RBM25: variants seen among roughly 807,000 people sequenced by gnomAD.
The protein encoded by RBM25 is RNA binding motif protein 25, also known as RNA-binding protein 25.
In RBM25, 19 loss-of-function variants were observed where a neutral mutation model predicts 120.7. The observed-to-expected ratio is 0.16, with a 90% confidence interval of 0.11 to 0.23. RBM25 has a LOEUF of 0.23. Among genes scored for constraint, RBM25 ranks in the 10% least tolerant of loss-of-function variants. The pLI, the probability that RBM25 is intolerant of heterozygous loss-of-function variation, is 1.00. For synonymous variants in RBM25, 390 were observed against 326.7 expected (o/e 1.19, Z -2.09); for missense variants, 605 against 1,041.5 (o/e 0.58, Z 5.77).
chr14:73,071,858 C>A, intron 2 of RBM25, 111 bp downstream of exon 2: 1 of 804,852 alleles, frequency 1.2e-6, no homozygotes, highest in Non-Finnish European at 2.0e-6. Context: ...TGCCTCTCAG[C>A]GTTGTTTGGG....
intron 7 of RBM25, among the ~76,000 whole-genome samples, chr14:73,097,917 T>G (rs1033385432): frequency 6.6e-6 from 1 of 152,226 alleles, no homozygotes; most frequent in Non-Finnish European, 1.5e-5. Context: ...AGTTTTCTCA[T>G]ACTTATTTCC....
chr14:73,103,639 G>A (rs762005047), intron 10 of RBM25, among the ~76,000 whole-genome samples, 161 bp downstream of exon 10: 1 of 152,022 alleles, frequency 6.6e-6, no homozygotes, highest in Non-Finnish European at 1.5e-5. Context: ...AGCAATCTCC[G>A]CCTCCTGGGT....
chr14:73,063,172 T>C (rs1481927191), intron 1 of RBM25, among the ~76,000 whole-genome samples: 1 of 146,036 alleles, frequency 6.8e-6, no homozygotes, highest in Admixed American at 6.8e-5. Flanking sequence ...TTTTTTGAGA[T>C]GGAGTCTGGC....
At chr14:73,075,454 C>T (rs1302363887) in intron 2 of RBM25, among the ~76,000 whole-genome samples, 4 of 152,094 alleles carry the variant, frequency 2.6e-5, no homozygotes, top group Non-Finnish European at 4.4e-5. Flanking sequence ...CCACTGCGCC[C>T]GGCCCATGAT....
rs1004149613 is a variant in RBM25, at chr14:73,110,852, C to T, written c.1714C>T (p.Arg572Cys). 1.3e-5 allele frequency: 21 copies of T among 1,610,542 alleles called. No homozygotes were observed. Among genetic ancestry groups the T allele is most frequent in the African/African-American group, 2.7e-5 (2 of 74,334 alleles). Reference protein sequence around the residue: ...LQRMEQEAERRRQPQIKQEPE... With the variant: ...LQRMEQEAERCRQPQIKQEPE... ...TTAGATGGAACAAGAGGCTGAGAGGCGCAGGCAGCCACAAATAAAGCAAGA... is the reference window on the plus strand; with the variant it reads ...TTAGATGGAACAAGAGGCTGAGAGGTGCAGGCAGCCACAAATAAAGCAAGA... The change falls in exon 15 of 19, where the codon CGC (arginine) becomes TGC (cysteine). Residue 572 changes from arginine to cysteine, a missense_variant. Physicochemically the swap from Arg to Cys is radical, Grantham distance 180 (BLOSUM62 -3). Around this residue, in one of 4 missense-constraint regions of RBM25, gnomAD observed 465 missense variants for 741.6 expected, o/e 0.63. Transcript: ENST00000261973.
rs1269238743 is a variant in RBM25 at position 73,121,410 on chromosome 14, CTT to C, written c.*1609_*1610del. On this transcript the variant is annotated 3_prime_UTR_variant, in exon 19 of 19. Transcript: ENST00000261973. ...AGAAAAGTTAAAAATATGGGCTGAA[CTT>C]TTTATGGACTTGATTTTTATGACTA... The C allele has an allele frequency of 6.6e-6, 1 of 152,318 alleles. No homozygotes were observed. Among genetic ancestry groups the C allele is most frequent in the Non-Finnish European group, 1.5e-5 (1 of 67,988 alleles). 9.4% of individuals were successfully genotyped at this position (152,318 alleles called of 1,614,324 possible). A position where few individuals can be genotyped will look rare whatever the true frequency, so the allele number is the denominator to read the frequency against.
In RBM25 at chr14:73,088,097, A is replaced by T; in HGVS notation, c.479A>T (p.Lys160Ile). ...LQIGEKKLLV[K>I]VDAKTKAQLD... ...ATTGGAGAGAAAAAGCTACTCGTTA[A>T]AGTTGATGCAAAGACAAAGGCACAG... Residue 160 changes from lysine to isoleucine, a missense_variant, in exon 6 of 19, where the codon AAA becomes ATA. Coordinates refer to ENST00000261973, the MANE Select transcript of RBM25 (RefSeq NM_021239.3). 6.2e-7 allele frequency: 1 copy of T among 1,614,194 alleles called. No homozygotes were observed. Among genetic ancestry groups the T allele is most frequent in the Non-Finnish European group, 8.5e-7 (1 of 1,180,020 alleles).
chr14:73,060,909 A>G (rs534477856), intron 1 of RBM25, among the ~76,000 whole-genome samples: 1 of 151,532 alleles, frequency 6.6e-6, no homozygotes, highest in Non-Finnish European at 1.5e-5. Context: ...CCCTTAACCC[A>G]TAAATACTTA....
chr14:73,112,075 G>A (rs1382896120), intron 16 of RBM25, 77 bp from the exon 17 acceptor site: 26 of 1,347,300 alleles, frequency 1.9e-5, no homozygotes, highest in Non-Finnish European at 2.7e-5. Flanking sequence ...TTTAGTCTCA[G>A]GAAAAATCAT....
intron 6 of RBM25, among the ~76,000 whole-genome samples, chr14:73,090,406 G>A (rs770196598): frequency 2.0e-5 from 3 of 152,086 alleles, no homozygotes; most frequent in Admixed American, 6.6e-5. Context: ...CACGTTTCTA[G>A]CTTCCGTCTT....
At position 73,120,041 on chromosome 14, in the gene RBM25, A is replaced by T; in HGVS notation, c.*236A>T. ...CAGGTACAAATTACTGGTATGTTTT[A>T]TAAGCCGCAGCTACTGTACACAGCC... On this transcript the variant is annotated 3_prime_UTR_variant, in exon 19 of 19. Coordinates refer to ENST00000261973, the MANE Select transcript of RBM25 (RefSeq NM_021239.3). The T allele has an allele frequency of 2.2e-6, 1 of 452,468 alleles. No homozygotes were observed. Among genetic ancestry groups the T allele is most frequent in the Non-Finnish European group, 3.7e-6 (1 of 270,630 alleles). 28.0% of individuals were successfully genotyped at this position (452,468 alleles called of 1,614,324 possible).
Position 73,117,210 on chromosome 14 carries a change from C to CTTTTTTTTTTTTTTTTTTTTTTTTTTTT in RBM25, c.2440-2496_2440-2469dup, listed in dbSNP as rs71112704. Reference sequence around the variant, plus strand: ...TTTCTTTTAATTTCTTTCTTCTTTTCTTTTTTTTTTTTTTTTTTTTTTTTT... The same window carrying CTTTTTTTTTTTTTTTTTTTTTTTTTTTT: ...TTTCTTTTAATTTCTTTCTTCTTTTCTTTTTTTTTTTTTTTTTTTTTTTTTTTTTTTTTTTTTTTTTTTTTTTTTTTTT... On this transcript the variant is annotated intron_variant, in intron 18 of 18. Coordinates refer to ENST00000261973, the MANE Select transcript of RBM25 (RefSeq NM_021239.3). 9.3e-4 allele frequency among the ~76,000 whole-genome samples: 46 copies of CTTTTTTTTTTTTTTTTTTTTTTTTTTTT among 49,432 alleles called. 10 individuals carry two copies. The highest frequency in any genetic ancestry group is 1.4e-3 in the Non-Finnish European group (37 of 27,338). 32.4% of individuals were successfully genotyped at this position (49,432 alleles called of 152,430 possible).
chr14:73,085,882 T>C (rs73301258), intron 5 of RBM25, among the ~76,000 whole-genome samples: 2,218 of 152,294 alleles, frequency 0.015, 62 homozygotes, highest in African/African-American at 0.05. Flanking sequence ...AACTTAGGAA[T>C]TGAAGCATAT....
At chr14:73,075,599 T>C (rs941798624) in intron 2 of RBM25, among the ~76,000 whole-genome samples, 13 of 152,246 alleles carry the variant, frequency 8.5e-5, no homozygotes, top group African/African-American at 7.2e-5. Flanking sequence ...ATGTTTATCA[T>C]GCACAACGTT....
intron 2 of RBM25, among the ~76,000 whole-genome samples, chr14:73,073,717 T>C (rs1401907860): frequency 6.6e-6 from 1 of 152,134 alleles, no homozygotes; most frequent in Non-Finnish European, 1.5e-5. Context: ...GAACAACTGT[T>C]TATGCATGTA....
At chr14:73,115,028 G>A (rs165937) in intron 18 of RBM25, among the ~76,000 whole-genome samples, 106,722 of 152,138 alleles carry the variant, frequency 0.7, 37,872 homozygotes, top group East Asian at 0.86. Context: ...ACAGGTACTG[G>A]AACCTTGATG....
At chr14:73,075,937 T>C (rs1287362535) in intron 2 of RBM25, among the ~76,000 whole-genome samples, 1 of 152,108 alleles carries the variant, frequency 6.6e-6, no homozygotes, top group Non-Finnish European at 1.5e-5. Context: ...TGAGCCACCG[T>C]GCCCAGCTGT....
chr14:73,098,276 T>C (rs1164424938), intron 7 of RBM25, among the ~76,000 whole-genome samples: 1 of 152,098 alleles, frequency 6.6e-6, no homozygotes, highest in African/African-American at 2.4e-5. Context: ...ACTATAGGCA[T>C]GTGCTACCAT....
rs1231268827 is a variant in RBM25 at position 73,107,864 on chromosome 14, C to G, written c.1506C>G (p.Asp502Glu). ...EAKRLKEFLE[D>E]YDDDRDDPKY... is the part of the protein sequence containing the mutation. ...AACGACTAAAAGAATTCTTAGAAGA[C>G]TATGATGATGATAGAGATGACCCCA... is the stretch of plus-strand genomic sequence containing the variant. Residue 502 changes from aspartate (D) to glutamate (E), a missense_variant, in exon 13 of 19, where the codon GAC (aspartate) becomes GAG (glutamate). Asp to Glu is a conservative substitution (Grantham distance 45). Coordinates refer to ENST00000261973, the MANE Select transcript of RBM25 (RefSeq NM_021239.3). The G allele has an allele frequency of 6.2e-7, 1 of 1,602,914 alleles. No homozygotes were observed. The highest frequency in any genetic ancestry group is 1.3e-5 in the African/African-American group (1 of 74,466).
Sources: gnomAD v4.1 joint callset for allele counts (sites outside exome capture counted in the v4.1 genomes callset) on GRCh38, gnomAD v4.1.1 for gene constraint, gnomAD v4.1.1 regional missense constraint, MANE v1.5 for transcripts, NCBI Gene and HGNC (gene_info 2026-07-23, HGNC 2026-07-21) for gene names.